Variants in KIT observed in about 807,000 individuals in gnomAD.
KIT encodes mast/stem cell growth factor receptor Kit.
KIT carries 16 observed loss-of-function variants against 105.7 expected under a neutral mutation model. That is an observed-to-expected ratio of 0.15 (90% CI 0.10 to 0.23). The LOEUF is 0.23. Among genes scored for constraint, KIT ranks in the 10% least tolerant of loss-of-function variants. The pLI is 1.00. For missense variants in KIT, 858 were observed against 1,213.8 expected, an observed-to-expected ratio of 0.71 and a Z score of 4.36; for synonymous variants, 438 against 441.1, an observed-to-expected ratio of 0.99 and a Z score of 0.09.
intron 1 of KIT, among the ~76,000 whole-genome samples, chr4:54,658,319 G>A (rs1716967641): frequency 6.6e-6 from 1 of 152,094 alleles, no homozygotes. Flanking sequence ...GGTTCTTCGG[G>A]AATGGGGACA....
chr4:54,732,519 A>T (rs1722672111), intron 16 of KIT, among the ~76,000 whole-genome samples: 1 of 152,168 alleles, frequency 6.6e-6, no homozygotes, highest in African/African-American at 2.4e-5. Flanking sequence ...AACAAGGAGC[A>T]TGGTCTGTGG....
At chr4:54,680,385 C>CTTTTTTTT (rs756268006) in intron 1 of KIT, among the ~76,000 whole-genome samples, 1 of 102,658 alleles carries the variant, frequency 9.7e-6, no homozygotes, top group African/African-American at 3.8e-5. Context: ...TTCATTCGTC[C>CTTTTTTTT]TTTTTTTTTT....
intron 3 of KIT, among the ~76,000 whole-genome samples, chr4:54,699,119 C>T (rs756034249): frequency 5.2e-4 from 79 of 152,310 alleles, no homozygotes; most frequent in Non-Finnish European, 9.4e-4. Flanking sequence ...TCTAATTCAA[C>T]ACCAGTTGGC....
intron 1 of KIT, among the ~76,000 whole-genome samples, chr4:54,660,085 G>T (rs2237035): frequency 0.28 from 43,039 of 152,014 alleles, 7,285 homozygotes; most frequent in Admixed American, 0.4. Flanking sequence ...CCAATGTTCT[G>T]AGTGTAGACT....
rs776411237 is a variant in KIT, at chr4:54,737,241, T to C, written c.2763T>C (p.Val921=). 5.0e-6 allele frequency: 8 copies of C among 1,613,780 alleles called. No homozygotes were observed. In the Admixed American group the frequency reaches 1.3e-4, roughly 27 times the overall value. ...PLKRPTFKQI[V]QLIEKQISES... ...AAAGACCAACATTCAAGCAAATTGT[T>C]CAGCTAATTGAGAAGCAGATTTCAG... Residue 921 remains valine (V), a synonymous_variant, in exon 20 of 21, where the codon GTT becomes GTC. Coordinates refer to ENST00000288135, the MANE Select transcript of KIT (RefSeq NM_000222.3).
intron 4 of KIT, among the ~76,000 whole-genome samples, chr4:54,700,788 A>G (rs1720407685): frequency 6.6e-6 from 1 of 152,246 alleles, no homozygotes; most frequent in African/African-American, 2.4e-5. Flanking sequence ...CAGTGTGATG[A>G]TATTCATGTA....
At chr4:54,683,887 G>A (rs192130177) in intron 1 of KIT, among the ~76,000 whole-genome samples, 4 of 152,190 alleles carry the variant, frequency 2.6e-5, no homozygotes, top group Admixed American at 1.3e-4. Flanking sequence ...TCCCAGCTGG[G>A]CAATGTTGAG....
At chr4:54,678,288 C>T (rs1450888573) in intron 1 of KIT, among the ~76,000 whole-genome samples, 6 of 149,088 alleles carry the variant, frequency 4.0e-5, no homozygotes, top group African/African-American at 7.5e-5. Flanking sequence ...ATGGCTGGCT[C>T]GCTCCTTCCT....
chr4:54,660,813 C>A (rs1007886696), intron 1 of KIT, among the ~76,000 whole-genome samples: 1 of 152,090 alleles, frequency 6.6e-6, no homozygotes, highest in Non-Finnish European at 1.5e-5. Context: ...ACATGATTCA[C>A]CAGAATCTGT....
At position 54,695,497 on chromosome 4, in the gene KIT, T is replaced by G. The variant is rs766123990; in HGVS notation, c.68-15T>G. The G allele has an allele frequency of 1.1e-5, 17 of 1,613,950 alleles. No individual in the cohort carries two copies. The highest frequency in any genetic ancestry group is 1.4e-5 in the Non-Finnish European group (17 of 1,179,932). On this transcript the variant is annotated splice_polypyrimidine_tract_variant and intron_variant, in intron 1 of 20. Coordinates refer to ENST00000288135, the MANE Select transcript of KIT (RefSeq NM_000222.3). ...AAGAAGATCATACTCAACACGATTC[T>G]GTTTTTCTTGGCAGGCTCTTCTCAA... is the stretch of plus-strand genomic sequence containing the variant.
At chr4:54,727,106 C>A in intron 9 of KIT, 112 bp from the exon 10 acceptor site, 1 of 856,538 alleles carries the variant, frequency 1.2e-6, no homozygotes, top group Non-Finnish European at 2.0e-6. Context: ...CATAGCTTTG[C>A]ATCCTGCCAT....
In KIT at chr4:54,718,786, A is replaced by G. The variant is rs567120105; in HGVS notation, c.1232-4798A>G. 1.1e-4 allele frequency among the ~76,000 whole-genome samples: 17 copies of G among 152,350 alleles called. 1 individual carries two copies. The South Asian group carries it at 3.5e-3, about 32-fold the overall frequency. ...GTTGAAGTTTTATTTTGTTTGTTAAATAAACTTCTGTTAGTGTCCATATGC... is the reference window on the plus strand; with the variant it reads ...GTTGAAGTTTTATTTTGTTTGTTAAGTAAACTTCTGTTAGTGTCCATATGC... On this transcript the variant is annotated intron_variant, in intron 7 of 20. Transcript: ENST00000288135.
intron 15 of KIT, 134 bp from the exon 16 acceptor site, chr4:54,731,737 A>T (rs1722608813): frequency 2.2e-6 from 2 of 898,356 alleles, no homozygotes; most frequent in Non-Finnish European, 3.7e-6. Flanking sequence ...TTTCCTGGAC[A>T]CCAGGGAAGT....
chr4:54,713,667 G>A (rs1030233536), intron 7 of KIT, among the ~76,000 whole-genome samples: 8 of 152,120 alleles, frequency 5.3e-5, no homozygotes, highest in Non-Finnish European at 1.0e-4. Flanking sequence ...CCTTGATTTG[G>A]CATGGTTAAA....
intron 7 of KIT, among the ~76,000 whole-genome samples, chr4:54,716,477 A>T (rs958186744): frequency 6.6e-6 from 1 of 152,180 alleles, no homozygotes; most frequent in Non-Finnish European, 1.5e-5. Flanking sequence ...ATAGGTTACC[A>T]TTACTAATAT....
intron 4 of KIT, among the ~76,000 whole-genome samples, chr4:54,701,055 G>C (rs1185231899): frequency 6.6e-6 from 1 of 152,238 alleles, no homozygotes; most frequent in Non-Finnish European, 1.5e-5. Flanking sequence ...TTGAGCCTCT[G>C]TATAACTTGA....
chr4:54,658,139 G>A (rs1716954437), intron 1 of KIT, 58 bp downstream of exon 1: 14 of 1,543,894 alleles, frequency 9.1e-6, no homozygotes, highest in Non-Finnish European at 1.1e-5. Context: ...CCTGTGCCTG[G>A]GAGGGTGGTA....
intron 7 of KIT, among the ~76,000 whole-genome samples, chr4:54,712,374 C>T (rs1577973748): frequency 1.3e-5 from 2 of 152,216 alleles, no homozygotes; most frequent in African/African-American, 4.8e-5. Flanking sequence ...AACAGCAGAT[C>T]GTGGGTGGGG....
chr4:54,738,207 ACTT>A (rs534670426), intron 20 of KIT, among the ~76,000 whole-genome samples: 59 of 152,262 alleles, frequency 3.9e-4, no homozygotes, highest in Non-Finnish European at 7.4e-4. Flanking sequence ...TTTTGTCCCC[ACTT>A]CTTGTATAAA....
Sources: allele counts gnomAD v4.1 joint callset (sites outside exome capture counted in the v4.1 genomes callset), GRCh38; gene constraint gnomAD v4.1.1; transcripts MANE v1.5; gene names NCBI Gene and HGNC (gene_info 2026-07-23, HGNC 2026-07-21).